Variants in PDZD8 observed in about 807,000 individuals in gnomAD.
PDZD8 encodes the protein PDZ domain-containing protein 8.
PDZD8 carries 14 observed loss-of-function variants against 85.8 expected under a neutral mutation model. The observed-to-expected ratio is 0.16, with a 90% CI of 0.11 to 0.26. PDZD8 has a LOEUF of 0.26. Among genes scored for constraint, PDZD8 ranks in the 10% least tolerant of loss-of-function variants. The pLI is 1.00. For synonymous variants in PDZD8, 592 were observed against 568.6 expected, an observed-to-expected ratio of 1.04 and a Z score of -0.59; for missense variants, 1,197 against 1,424.3, an observed-to-expected ratio of 0.84 and a Z score of 2.57.
chr10:117,294,456 A>G (rs1389571310), intron 3 of PDZD8, among the ~76,000 whole-genome samples: 1 of 152,198 alleles, frequency 6.6e-6, no homozygotes, highest in Non-Finnish European at 1.5e-5. Context: ...TGGTTCCTCA[A>G]AAATTTAAAA....
intron 3 of PDZD8, among the ~76,000 whole-genome samples, chr10:117,305,657 T>C (rs1843930365): frequency 6.6e-6 from 1 of 152,106 alleles, no homozygotes; most frequent in Admixed American, 6.6e-5. Context: ...TTCCTTTAAG[T>C]GTCATGTCGG....
chr10:117,320,035 T>A (rs1270254137), intron 2 of PDZD8, among the ~76,000 whole-genome samples: 1 of 152,028 alleles, frequency 6.6e-6, no homozygotes, highest in African/African-American at 2.4e-5. Context: ...CAAACAGAAG[T>A]CTGAATAAAC....
At chr10:117,333,117 C>CAA (rs752527474) in intron 2 of PDZD8, among the ~76,000 whole-genome samples, 100 of 7,252 alleles carry the variant, frequency 0.014, 4 homozygotes, top group African/African-American at 0.022. Context: ...GACTCTGTCT[C>CAA]AAAAAAAAAA....
At chr10:117,359,358 C>A (rs1290197810) in intron 1 of PDZD8, among the ~76,000 whole-genome samples, 1 of 151,048 alleles carries the variant, frequency 6.6e-6, no homozygotes, top group Non-Finnish European at 1.5e-5. Flanking sequence ...TGAGGTTACA[C>A]TGAGCCATGA....
chr10:117,314,944 T>A (rs1317021542), intron 3 of PDZD8, among the ~76,000 whole-genome samples: 2 of 152,008 alleles, frequency 1.3e-5, no homozygotes, highest in East Asian at 1.9e-4. Flanking sequence ...AGATGGAGAG[T>A]AGGGTTAGCA....
rs532551473 is a variant in PDZD8, at chr10:117,278,513, T to G, written c.*4755A>C. On this transcript the variant is annotated 3_prime_UTR_variant, in exon 5 of 5. Transcript: ENST00000334464. ...TAACAGCAAATACTGTTAGTGAACA[T>G]TGTCAATTTATGTCATTTTGTTAAG... is the stretch of plus-strand genomic sequence containing the variant. 6.6e-6 allele frequency: 1 copy of G among 152,338 alleles called. No individual in the cohort carries two copies. The highest frequency in any genetic ancestry group is 1.5e-5 in the Non-Finnish European group (1 of 68,026). The allele number at this position is 152,338 out of a possible 1,614,324, so 9.4% of individuals were successfully genotyped here.
rs1050707816 is a variant in PDZD8 at position 117,281,606 on chromosome 10, G to A, written c.*1662C>T. On this transcript the variant is annotated 3_prime_UTR_variant, in exon 5 of 5. Coordinates refer to ENST00000334464, the MANE Select transcript of PDZD8 (RefSeq NM_173791.5). ...CCTTTTACTTGTATATCTTTTTACT[G>A]TTCAAAGCACTTTTGCAGTTATGCT... 1 of 152,054 alleles carries A rather than the reference G, an allele frequency of 6.6e-6. No individual in the cohort carries two copies. The highest frequency in any genetic ancestry group is 6.6e-5 in the Admixed American group (1 of 15,264). 9.4% of individuals were successfully genotyped at this position (152,054 alleles called of 1,614,324 possible). A position where few individuals can be genotyped will look rare whatever the true frequency, so the allele number is the denominator to read the frequency against.
Position 117,374,300 on chromosome 10 carries a change from T to C in PDZD8, c.872+56A>G. The C allele has an allele frequency of 6.3e-7, 1 of 1,589,522 alleles. No homozygotes were observed. Among genetic ancestry groups the C allele is most frequent in the Non-Finnish European group, 8.6e-7 (1 of 1,167,000 alleles). ...TTTGCCCTTCCCAATCCACGCAGCG[T>C]CCCGCCCAGGCCCGGGTTCCCGGCA... is the stretch of plus-strand genomic sequence containing the variant. On this transcript the variant is annotated intron_variant, in intron 1 of 4. Transcript: ENST00000334464. This position sits in a 1 kb window ranked among gnomAD's most constrained non-coding sequence, Gnocchi z 7.8.
At chr10:117,302,808 A>G (rs1159923026) in intron 3 of PDZD8, among the ~76,000 whole-genome samples, 1 of 152,158 alleles carries the variant, frequency 6.6e-6, no homozygotes, top group East Asian at 1.9e-4. Context: ...TGGGTTTATC[A>G]GGGGTTTCCG....
chr10:117,350,812 G>A (rs1349596669), intron 1 of PDZD8, among the ~76,000 whole-genome samples: 1 of 149,968 alleles, frequency 6.7e-6, no homozygotes, highest in Non-Finnish European at 1.5e-5. Context: ...GCTGAGGCAG[G>A]AGAATGGCAT....
At chr10:117,353,755 A>AGGGGGGGGGG (rs150035169) in intron 1 of PDZD8, among the ~76,000 whole-genome samples, 1 of 34,036 alleles carries the variant, frequency 2.9e-5, no homozygotes, top group African/African-American at 8.1e-5. Flanking sequence ...AAGATGAGGG[A>AGGGGGGGGGG]GGGGGGTGAG....
At chr10:117,366,555 CCACCACCACTACCACCACCACCACTGT>C (rs1380036407) in intron 1 of PDZD8, among the ~76,000 whole-genome samples, 2 of 151,056 alleles carry the variant, frequency 1.3e-5, no homozygotes, top group African/African-American at 2.4e-5. Context: ...TCTGTCACTA[CCACCACCACTACCACCACCACCACTGT>C]CACCACCATT....
chr10:117,291,914 T>C (rs1278099321), intron 3 of PDZD8, among the ~76,000 whole-genome samples: 1 of 151,762 alleles, frequency 6.6e-6, no homozygotes, highest in Non-Finnish European at 1.5e-5. Context: ...ATTCAATTAG[T>C]GTTTATGGCG....
intron 3 of PDZD8, among the ~76,000 whole-genome samples, chr10:117,315,256 T>C (rs1844103374): frequency 6.6e-6 from 1 of 152,040 alleles, no homozygotes; most frequent in South Asian, 2.1e-4. Context: ...CTAGCTAAAA[T>C]AGGAAGAGAG....
chr10:117,353,710 G>A (rs774651656), intron 1 of PDZD8, among the ~76,000 whole-genome samples: 7 of 147,130 alleles, frequency 4.8e-5, no homozygotes, highest in African/African-American at 7.6e-5. Context: ...ATGAACAAGA[G>A]TGGCCCTAAG....
chr10:117,285,459 G>A lies in PDZD8; in HGVS notation c.1274C>T (p.Thr425Ile). The A allele has an allele frequency of 6.3e-7, 1 of 1,583,526 alleles. No homozygotes were observed. Among genetic ancestry groups the A allele is most frequent in the Non-Finnish European group, 8.6e-7 (1 of 1,161,472 alleles). ...RLIAIGGVKITSTLQVLKLIK... is the reference protein window; with the variant it reads ...RLIAIGGVKIISTLQVLKLIK... ...AAGCTTCAACACTTGCAGTGTTGATGTGATTTTCACACCTGGTTTAAGATT... is the reference window on the plus strand; with the variant it reads ...AAGCTTCAACACTTGCAGTGTTGATATGATTTTCACACCTGGTTTAAGATT... The change falls in exon 5 of 5, where the codon ACA becomes ATA. Residue 425 changes from threonine to isoleucine, a missense_variant. Coordinates refer to ENST00000334464, the MANE Select transcript of PDZD8 (RefSeq NM_173791.5).
intron 2 of PDZD8, among the ~76,000 whole-genome samples, chr10:117,328,419 TA>T (rs933483699): frequency 1.7e-5 from 1 of 58,586 alleles, no homozygotes; most frequent in African/African-American, 4.4e-5. Flanking sequence ...TTATTATTAT[TA>T]TTTTTTTTGG....
intron 2 of PDZD8, among the ~76,000 whole-genome samples, chr10:117,329,245 T>C (rs1844373999): frequency 6.6e-6 from 1 of 152,098 alleles, no homozygotes; most frequent in Non-Finnish European, 1.5e-5. Context: ...CAAAGGGAAG[T>C]CAGTACTACT....
At chr10:117,349,577 C>T (rs1358600099) in intron 1 of PDZD8, among the ~76,000 whole-genome samples, 3 of 152,088 alleles carry the variant, frequency 2.0e-5, no homozygotes, top group Admixed American at 1.3e-4. Flanking sequence ...CTGAGGCAGG[C>T]GACCTGCTTG....
Sources: gnomAD v4.1 joint callset for allele counts (sites outside exome capture counted in the v4.1 genomes callset) on GRCh38, gnomAD v4.1.1 for gene constraint, Gnocchi (gnomAD v3.1) non-coding constraint, MANE v1.5 for transcripts, NCBI Gene and HGNC (gene_info 2026-07-23, HGNC 2026-07-21) for gene names.